The following ZNF69 variants were observed in gnomAD, a reference collection of about 807,000 sequenced individuals.
ZNF69 encodes the protein ZNF3.
Under a neutral mutation model 50.9 loss-of-function variants are expected in ZNF69, and 47 were observed. The ratio of observed to expected loss-of-function variants is 0.92; its 90% CI spans 0.73 to 1.18. The LOEUF is 1.18. ZNF69 is among the 50% of genes most tolerant of loss of function. ZNF69 has a pLI of 0.00. For synonymous variants in ZNF69, 216 were observed against 223.1 expected, an observed-to-expected ratio of 0.97 and a Z score of 0.29; for missense variants, 717 against 675.1, an observed-to-expected ratio of 1.06 and a Z score of -0.69.
the ZNF69 span, among the ~76,000 whole-genome samples, chr19:11,957,090 A>ACTTT: frequency 7.2e-6 from 1 of 138,946 alleles, no homozygotes; most frequent in Non-Finnish European, 1.6e-5. Flanking sequence ...GTAAGAAATA[A>ACTTT]GTTTTTTTTT....
the ZNF69 span, chr19:11,948,708 G>C: frequency 1.2e-6 from 2 of 1,612,650 alleles, no homozygotes; most frequent in Non-Finnish European, 1.7e-6. Context: ...AATTTTGTGG[G>C]AAAGCCTTCC....
chr19:11,977,051 G>C, the ZNF69 span: 1 of 1,614,080 alleles, frequency 6.2e-7, no homozygotes, highest in African/African-American at 1.3e-5. Flanking sequence ...CCTGTGGCCT[G>C]TGAGGATGTT....
At chr19:11,904,222 A>G (rs1172817229) in intron 3 of ZNF69, among the ~76,000 whole-genome samples, 1 of 152,184 alleles carries the variant, frequency 6.6e-6, no homozygotes, top group African/African-American at 2.4e-5. Flanking sequence ...ACGAGACCAC[A>G]TATCAACAAC....
the ZNF69 span, among the ~76,000 whole-genome samples, chr19:11,927,434 A>G: frequency 1.4e-5 from 2 of 145,886 alleles, no homozygotes; most frequent in African/African-American, 2.7e-5. Flanking sequence ...AAATAAATAA[A>G]TAAATAAATA....
the ZNF69 span, among the ~76,000 whole-genome samples, chr19:11,952,169 A>C: frequency 2.0e-5 from 3 of 150,696 alleles, no homozygotes; most frequent in Non-Finnish European, 4.4e-5. Context: ...ACAAGAGTGA[A>C]ACTCCATCTC....
chr19:11,912,088 G>A (rs781643720), intron 4 of ZNF69, among the ~76,000 whole-genome samples: 1 of 152,050 alleles, frequency 6.6e-6, no homozygotes, highest in Non-Finnish European at 1.5e-5. Context: ...AAACATGGTA[G>A]GACTCACACT....
At chr19:11,924,998 C>T in the ZNF69 span, 7 of 502,064 alleles carry the variant, frequency 1.4e-5, no homozygotes, top group Admixed American at 1.7e-4. Context: ...ATACCCAGGG[C>T]TTCAGCTGTC....
At chr19:11,955,981 A>T in the ZNF69 span, among the ~76,000 whole-genome samples, 189 of 152,320 alleles carry the variant, frequency 1.2e-3, 2 homozygotes, top group Non-Finnish European at 2.1e-3. Context: ...ATGTGAACAC[A>T]AAGTTTGAGG....
the ZNF69 span, among the ~76,000 whole-genome samples, chr19:11,932,292 T>TA: frequency 6.8e-6 from 1 of 147,416 alleles, no homozygotes; most frequent in Non-Finnish European, 1.5e-5. Flanking sequence ...TGCAGTGAGC[T>TA]ATGATTGCAC....
the ZNF69 span, among the ~76,000 whole-genome samples, chr19:11,931,566 T>A: frequency 1.3e-5 from 2 of 148,368 alleles, no homozygotes; most frequent in African/African-American, 5.3e-5. Context: ...TTAGTCATTG[T>A]CTTCTATTTC....
chr19:11,962,661 C>A, the ZNF69 span, among the ~76,000 whole-genome samples: 1 of 152,202 alleles, frequency 6.6e-6, no homozygotes, highest in East Asian at 1.9e-4. Context: ...ATACTCCCAG[C>A]CCTGAAACAG....
rs751406288 is a variant in ZNF69 at position 11,903,549 on chromosome 19, C to T, written c.64-24C>T. On this transcript the variant is annotated intron_variant, in intron 1 of 3. Coordinates refer to ENST00000429654, the MANE Select transcript of ZNF69 (RefSeq NM_001364730.1). ...AGTGCTGTCACTCTCACCCATCCTC[C>T]TCTACACATGTGAGATGTTTCAGGA... 9 of 1,613,254 alleles carry T rather than the reference C, an allele frequency of 5.6e-6. No individual in the cohort carries two copies. The African/African-American group carries it at 9.4e-5, about 17-fold the overall frequency.
chr19:11,944,643 C>G, the ZNF69 span, among the ~76,000 whole-genome samples: 2 of 152,240 alleles, frequency 1.3e-5, no homozygotes, highest in East Asian at 3.8e-4. Flanking sequence ...TATGTACACA[C>G]AAGAACTAGT....
At chr19:11,978,527 ATG>A in the ZNF69 span, 2 of 1,614,224 alleles carry the variant, frequency 1.2e-6, no homozygotes, top group Middle Eastern at 1.6e-4. Flanking sequence ...GACCTTATAA[ATG>A]TAAGTTTTGT....
At chr19:11,940,721 A>T in the ZNF69 span, among the ~76,000 whole-genome samples, 1 of 152,086 alleles carries the variant, frequency 6.6e-6, no homozygotes, top group African/African-American at 2.4e-5. Context: ...TTATTCTCTT[A>T]TCTGGCCCCA....
At chr19:11,971,748 G>A in the ZNF69 span, among the ~76,000 whole-genome samples, 10 of 151,824 alleles carry the variant, frequency 6.6e-5, no homozygotes, top group Non-Finnish European at 1.0e-4. Context: ...GACTTTTTTG[G>A]GCTTCAAGAA....
In ZNF69 at chr19:11,905,300, G is replaced by A. The variant is rs756186328; in HGVS notation, c.903G>A (p.Glu301=). 3.1e-6 allele frequency: 5 copies of A among 1,613,980 alleles called. No homozygotes were observed. The highest frequency in any genetic ancestry group is 1.3e-5 in the African/African-American group (1 of 74,896). The part of the protein sequence containing the change: ...YRRHERIHTG[E]KAYQCKECGK... ...GACATGAAAGGATTCACACGGGAGAGAAGGCTTATCAATGTAAGGAATGTG... is the reference window on the plus strand; with the variant it reads ...GACATGAAAGGATTCACACGGGAGAAAAGGCTTATCAATGTAAGGAATGTG... The change falls in exon 4 of 4, where the codon GAG becomes GAA. Residue 301 remains glutamate (E), a synonymous_variant. Coordinates refer to ENST00000429654, the MANE Select transcript of ZNF69 (RefSeq NM_001364730.1).
the ZNF69 span, among the ~76,000 whole-genome samples, chr19:11,946,559 A>G: frequency 6.6e-6 from 1 of 152,134 alleles, no homozygotes; most frequent in Non-Finnish European, 1.5e-5. Flanking sequence ...GTGTCTGTGT[A>G]CAGGAACTTG....
downstream of ZNF69, among the ~76,000 whole-genome samples, chr19:11,910,256 T>G (rs1972438154): frequency 6.6e-6 from 1 of 152,194 alleles, no homozygotes; most frequent in Admixed American, 6.5e-5. Flanking sequence ...CCAAGGTAAT[T>G]TGTAGATTCC....
Sources: allele counts gnomAD v4.1 joint callset (sites outside exome capture counted in the v4.1 genomes callset), GRCh38; gene constraint gnomAD v4.1.1; transcripts MANE v1.5; gene names NCBI Gene and HGNC (gene_info 2026-07-23, HGNC 2026-07-21).